The following KALRN variants were observed in gnomAD, a reference collection of about 807,000 sequenced individuals.
KALRN encodes the protein kalirin RhoGEF kinase.
Under a neutral mutation model 353.7 loss-of-function variants are expected in KALRN, and 70 were observed. That is an observed-to-expected ratio of 0.20 (90% CI 0.16 to 0.24). KALRN has a LOEUF of 0.24. KALRN is among the 10% of genes least tolerant of loss of function. The pLI, the probability that KALRN is intolerant of heterozygous loss-of-function variation, is 1.00. For synonymous variants in KALRN, 1,391 were observed against 1,434.8 expected (o/e 0.97, Z 0.69); for missense variants, 2,791 against 3,756.7 (o/e 0.74, Z 6.72).
chr3:124,148,027 G>A (rs1265239855), intron 1 of KALRN, among the ~76,000 whole-genome samples: 2 of 152,120 alleles, frequency 1.3e-5, no homozygotes, highest in African/African-American at 2.4e-5. Context: ...TATTGCTCTA[G>A]AATGCAGAGC....
At chr3:124,139,445 C>T (rs1283939062) in intron 1 of KALRN, among the ~76,000 whole-genome samples, 1 of 152,144 alleles carries the variant, frequency 6.6e-6, no homozygotes, top group Non-Finnish European at 1.5e-5. Flanking sequence ...ATTCCTCCTG[C>T]AGTTTATTGT....
At chr3:124,308,384 C>T (rs755748920) in intron 6 of KALRN, among the ~76,000 whole-genome samples, 1 of 151,958 alleles carries the variant, frequency 6.6e-6, no homozygotes, top group African/African-American at 2.4e-5. Context: ...TTCTCCAGGA[C>T]ATGAAACATT....
In KALRN at chr3:124,430,650, C is replaced by G. The variant is rs1212975989; in HGVS notation, c.2710-6C>G. The G allele has an allele frequency of 1.2e-6, 2 of 1,613,884 alleles. No individual in the cohort carries two copies. The highest frequency in any genetic ancestry group is 2.7e-5 in the African/African-American group (2 of 75,036). On this transcript the variant is annotated splice_polypyrimidine_tract_variant and splice_region_variant and intron_variant, in intron 15 of 59. Coordinates refer to ENST00000682506, the MANE Select transcript of KALRN (RefSeq NM_001388419.1). The stretch of plus-strand genomic sequence containing the variant: ...ATTCACCTGTGTGCTTGTCCCGATT[C>G]CCTAGGTTCTGGGATGGATCCGCAA...
chr3:124,131,234 T>C (rs146585730), intron 1 of KALRN, among the ~76,000 whole-genome samples: 1 of 152,308 alleles, frequency 6.6e-6, no homozygotes, highest in Non-Finnish European at 1.5e-5. Context: ...TGAAACTTCT[T>C]GTGAATTTTA....
At chr3:124,039,084 A>C (rs1453376672) in intron 1 of KALRN, among the ~76,000 whole-genome samples, 1 of 152,082 alleles carries the variant, frequency 6.6e-6, no homozygotes, top group Non-Finnish European at 1.5e-5. Context: ...TCATCACACC[A>C]CTGCTTGGTG....
chr3:124,168,695 A>G (rs1280928689), intron 1 of KALRN, among the ~76,000 whole-genome samples: 1 of 152,196 alleles, frequency 6.6e-6, no homozygotes, highest in Non-Finnish European at 1.5e-5. Context: ...ATGTCTTTGC[A>G]TCATAGTTTT....
At chr3:124,062,062 T>G (rs1354716494) in intron 1 of KALRN, among the ~76,000 whole-genome samples, 1 of 152,172 alleles carries the variant, frequency 6.6e-6, no homozygotes, top group Non-Finnish European at 1.5e-5. Context: ...ACAATCTGCA[T>G]ATTAAAAAAA....
At chr3:124,589,151 C>T (rs901288584) in intron 34 of KALRN, among the ~76,000 whole-genome samples, 3 of 152,212 alleles carry the variant, frequency 2.0e-5, no homozygotes, top group Non-Finnish European at 2.9e-5. Flanking sequence ...TTCCAGAATT[C>T]TCAGCCAGAA....
rs1559888722 is a variant in KALRN, at chr3:124,717,459, G to A, written c.8415+74G>A. ...CCCAGCACTTTGGGAGGCCAAGGTG[G>A]GCGGATCACAAGGTCAGGAGATCGA... On this transcript the variant is annotated intron_variant, in intron 59 of 59. Transcript: ENST00000682506. 3.8e-6 allele frequency: 4 copies of A among 1,062,788 alleles called. No individual in the cohort carries two copies. The East Asian group carries it at 1.0e-4, about 28-fold the overall frequency. 65.8% of individuals were successfully genotyped at this position (1,062,788 alleles called of 1,614,324 possible).
intron 36 of KALRN, among the ~76,000 whole-genome samples, chr3:124,635,387 A>C (rs1025067894): frequency 6.6e-6 from 1 of 152,234 alleles, no homozygotes; most frequent in Non-Finnish European, 1.5e-5. Flanking sequence ...GCTTGTTTAC[A>C]GAAATGGATG....
chr3:124,516,653 A>AC (rs1295006899), intron 33 of KALRN, among the ~76,000 whole-genome samples: 1 of 151,544 alleles, frequency 6.6e-6, no homozygotes, highest in African/African-American at 2.4e-5. Context: ...AAAAAAAAAA[A>AC]AACCTGGTAA....
chr3:124,188,316 T>C (rs2074476187), intron 1 of KALRN, among the ~76,000 whole-genome samples: 1 of 152,144 alleles, frequency 6.6e-6, no homozygotes, highest in Admixed American at 6.5e-5. Context: ...GATATTGGAT[T>C]AGAGGATGTG....
chr3:124,651,616 C>G (rs2083422905), intron 38 of KALRN, among the ~76,000 whole-genome samples: 1 of 149,298 alleles, frequency 6.7e-6, no homozygotes. Flanking sequence ...CCAAAACTTT[C>G]ATTTTCTTTT....
chr3:124,150,064 G>T (rs1022594253), intron 1 of KALRN, among the ~76,000 whole-genome samples: 1 of 152,178 alleles, frequency 6.6e-6, no homozygotes, highest in Non-Finnish European at 1.5e-5. Context: ...ATCCTGATTG[G>T]GTGGACTGTG....
chr3:124,287,780 T>C (rs1219433234), intron 5 of KALRN, among the ~76,000 whole-genome samples: 7 of 5,368 alleles, frequency 1.3e-3, no homozygotes, highest in African/African-American at 2.6e-3. Context: ...GATATATATA[T>C]ATATATATAT....
intron 4 of KALRN, among the ~76,000 whole-genome samples, chr3:124,266,927 C>G (rs1444745): frequency 0.43 from 65,214 of 152,040 alleles, 14,077 homozygotes; most frequent in Middle Eastern, 0.48. Context: ...TGAAAAGCAT[C>G]TTTTCAGTAA....
intron 58 of KALRN, among the ~76,000 whole-genome samples, chr3:124,713,763 G>A (rs957432543): frequency 1.3e-4 from 20 of 152,204 alleles, no homozygotes; most frequent in African/African-American, 4.8e-4. Flanking sequence ...AGAGAACAGA[G>A]TCTTTTCAGA....
At chr3:124,254,663 T>A (rs187773464) in intron 3 of KALRN, among the ~76,000 whole-genome samples, 11 of 152,316 alleles carry the variant, frequency 7.2e-5, no homozygotes, top group Admixed American at 2.6e-4. Context: ...GTTCGGTAAG[T>A]TAGCTTTTAC....
At chr3:124,700,482 C>A (rs3772799) in intron 56 of KALRN, among the ~76,000 whole-genome samples, 2 of 152,126 alleles carry the variant, frequency 1.3e-5, no homozygotes, top group African/African-American at 2.4e-5. Context: ...GTTTCCTCAC[C>A]CCCAATCATC....
Sources: gnomAD v4.1 joint callset for allele counts (sites outside exome capture counted in the v4.1 genomes callset) on GRCh38, gnomAD v4.1.1 for gene constraint, MANE v1.5 for transcripts, NCBI Gene and HGNC (gene_info 2026-07-23, HGNC 2026-07-21) for gene names.